TFDP2: variants seen among roughly 807,000 people sequenced by gnomAD.
TFDP2 encodes the protein transcription factor Dp-2.
Under a neutral mutation model 59.3 loss-of-function variants are expected in TFDP2, and 17 were observed. The ratio of observed to expected loss-of-function variants is 0.29; its 90% CI spans 0.20 to 0.43. The LOEUF is 0.43. Ranked by LOEUF, TFDP2 falls within the 20% of genes least tolerant of loss-of-function variation. TFDP2 has a pLI of 1.00. For missense variants in TFDP2, 391 were observed against 528.8 expected (o/e 0.74, Z 2.56); for synonymous variants, 180 against 194.7 (o/e 0.92, Z 0.63).
chr3:142,041,614 C>T (rs1357928141), intron 3 of TFDP2, among the ~76,000 whole-genome samples: 1 of 152,158 alleles, frequency 6.6e-6, no homozygotes, highest in Non-Finnish European at 1.5e-5. Context: ...TTATAAATTA[C>T]CAAATCTCAG....
intron 3 of TFDP2, among the ~76,000 whole-genome samples, chr3:142,009,748 T>C (rs1343733230): frequency 3.4e-5 from 5 of 146,008 alleles, no homozygotes; most frequent in Non-Finnish European, 7.4e-5. Context: ...GAAAAAGAAA[T>C]TGACAAAACA....
intron 3 of TFDP2, among the ~76,000 whole-genome samples, chr3:142,090,528 C>T (rs1019233730): frequency 2.0e-5 from 3 of 151,418 alleles, no homozygotes; most frequent in South Asian, 2.1e-4. Flanking sequence ...TCTTTGTCTT[C>T]TGTCTTTTGG....
At position 142,083,196 on chromosome 3, in the gene TFDP2, CA is replaced by C. The variant is rs1353555513; in HGVS notation, c.82+9864del. Among the ~76,000 whole-genome samples the C allele has an allele frequency of 3.9e-5, 6 of 152,240 alleles. No homozygotes were observed. In the East Asian group the frequency reaches 1.2e-3, roughly 29 times the overall value. On this transcript the variant is annotated intron_variant, in intron 3 of 12. Transcript: ENST00000489671. The stretch of plus-strand genomic sequence containing the variant: ...AGGACACAAATCAACATACAAAAAT[CA>C]GTAGCTTTCTAATGGCAACAGTGAA...
At chr3:142,140,352 GC>G (rs2062901462) in intron 1 of TFDP2, among the ~76,000 whole-genome samples, 1 of 152,112 alleles carries the variant, frequency 6.6e-6, no homozygotes, top group East Asian at 1.9e-4. Flanking sequence ...ACCTTCTGAA[GC>G]CTGCTTCTGT....
rs1935158464 is a variant in TFDP2, at chr3:141,945,631, G to C, written c.*6882C>G. ...GAAAACTAGAACTGCAACAAGCCCAGAGGAGCTATTCAGGAGAAAAGTAGC... is the reference window on the plus strand; with the variant it reads ...GAAAACTAGAACTGCAACAAGCCCACAGGAGCTATTCAGGAGAAAAGTAGC... On this transcript the variant is annotated 3_prime_UTR_variant, in exon 13 of 13. Transcript: ENST00000489671. 1 of 152,248 alleles carries C rather than the reference G, an allele frequency of 6.6e-6. No homozygotes were observed. The highest frequency in any genetic ancestry group is 2.4e-5 in the African/African-American group (1 of 41,444). 9.4% of individuals were successfully genotyped at this position (152,248 alleles called of 1,614,324 possible). A position where few individuals can be genotyped will look rare whatever the true frequency, so the allele number is the denominator to read the frequency against.
chr3:142,046,965 T>A (rs1385457284), intron 3 of TFDP2, among the ~76,000 whole-genome samples: 5 of 152,186 alleles, frequency 3.3e-5, no homozygotes. Flanking sequence ...AGCAGATAAG[T>A]GGAAGCAATA....
chr3:142,032,828 T>C (rs1946499703), intron 3 of TFDP2, among the ~76,000 whole-genome samples: 1 of 152,228 alleles, frequency 6.6e-6, no homozygotes, highest in Admixed American at 6.5e-5. Context: ...ATATAACTTC[T>C]GATGTCTAGA....
At chr3:142,100,196 A>T (rs16852097) in intron 2 of TFDP2, among the ~76,000 whole-genome samples, 7,147 of 152,338 alleles carry the variant, frequency 0.047, 304 homozygotes, top group Admixed American at 0.13. Flanking sequence ...GAAACCCTTT[A>T]TCATCTTTCC....
intron 1 of TFDP2, among the ~76,000 whole-genome samples, chr3:142,142,390 C>A (rs2062991854): frequency 6.6e-6 from 1 of 151,926 alleles, no homozygotes; most frequent in Admixed American, 6.6e-5. Context: ...TAGGTAATAA[C>A]CAAAGAAGTG....
intron 10 of TFDP2, among the ~76,000 whole-genome samples, chr3:141,963,551 T>G (rs905948861): frequency 6.6e-6 from 1 of 152,102 alleles, no homozygotes; most frequent in Non-Finnish European, 1.5e-5. Flanking sequence ...CAGCACGTCA[T>G]AGGTTGGGCC....
At chr3:142,138,442 A>G (rs1164544050) in intron 1 of TFDP2, among the ~76,000 whole-genome samples, 10 of 152,098 alleles carry the variant, frequency 6.6e-5, no homozygotes, top group Non-Finnish European at 1.5e-5. Flanking sequence ...TTGCTTCTCT[A>G]GTTCTTTTAA....
intron 1 of TFDP2, among the ~76,000 whole-genome samples, chr3:142,109,001 T>C (rs778865585): frequency 6.6e-6 from 1 of 152,214 alleles, no homozygotes; most frequent in African/African-American, 2.4e-5. Flanking sequence ...ATCAACCTAT[T>C]GCTCTCCTAC....
intron 1 of TFDP2, among the ~76,000 whole-genome samples, chr3:142,141,109 A>C (rs1204395948): frequency 1.3e-5 from 2 of 152,154 alleles, no homozygotes; most frequent in Non-Finnish European, 2.9e-5. Context: ...CTGCAGCCTC[A>C]CAGGTCCATC....
At chr3:142,135,676 T>C (rs1345979611) in intron 1 of TFDP2, among the ~76,000 whole-genome samples, 2 of 152,094 alleles carry the variant, frequency 1.3e-5, no homozygotes, top group Non-Finnish European at 1.5e-5. Flanking sequence ...GTCCTTGTGA[T>C]AGTTTGCTCA....
At chr3:142,053,431 G>A (rs1246324859) in intron 3 of TFDP2, among the ~76,000 whole-genome samples, 2 of 152,130 alleles carry the variant, frequency 1.3e-5, no homozygotes, top group African/African-American at 4.8e-5. Flanking sequence ...TATGACTGTA[G>A]ACTTCCCAAG....
rs56988461 is a variant in TFDP2 at position 141,987,265 on chromosome 3, T to TTGTG, written c.356+6269_356+6272dup. Among the ~76,000 whole-genome samples, 647 of 132,914 alleles carry TTGTG rather than the reference T, an allele frequency of 4.9e-3. 3 individuals are homozygous for TTGTG. The highest frequency in any genetic ancestry group is 0.02 in the Middle Eastern group (5 of 248). 87.2% of individuals were successfully genotyped at this position (132,914 alleles called of 152,430 possible). ...CTAAATGTAATGTTTGCTGTCAGAT[T>TTGTG]TGTGTGTGTGTGTGTGTGTGTGTGT... On this transcript the variant is annotated intron_variant, in intron 6 of 12. Coordinates refer to ENST00000489671, the MANE Select transcript of TFDP2 (RefSeq NM_001178139.2).
chr3:142,105,772 G>A (rs553279590), intron 1 of TFDP2, among the ~76,000 whole-genome samples: 1 of 152,238 alleles, frequency 6.6e-6, no homozygotes, highest in South Asian at 2.1e-4. Flanking sequence ...GAATCTCTAA[G>A]TATTACCTAA....
intron 1 of TFDP2, among the ~76,000 whole-genome samples, chr3:142,115,997 T>A (rs1560161462): frequency 1.3e-5 from 2 of 152,184 alleles, no homozygotes; most frequent in Non-Finnish European, 2.9e-5. Flanking sequence ...TACAATTACA[T>A]AAGATGTTAC....
At chr3:142,015,741 T>A (rs1191159202) in intron 3 of TFDP2, among the ~76,000 whole-genome samples, 3 of 152,200 alleles carry the variant, frequency 2.0e-5, no homozygotes, top group Admixed American at 6.5e-5. Context: ...TACTGAGCAC[T>A]TGAAATGTGG....
Sources: allele counts gnomAD v4.1 joint callset (sites outside exome capture counted in the v4.1 genomes callset), GRCh38; gene constraint gnomAD v4.1.1; transcripts MANE v1.5; gene names NCBI Gene and HGNC (gene_info 2026-07-23, HGNC 2026-07-21).